Variants in GBX2 observed in about 807,000 individuals in gnomAD.
The protein encoded by GBX2 is homeobox protein GBX-2.
A neutral mutation model predicts 22.4 loss-of-function variants in GBX2; 5 were observed. The ratio of observed to expected loss-of-function variants is 0.22; its 90% CI spans 0.12 to 0.47. The LOEUF is 0.47. GBX2 is among the 20% of genes least tolerant of loss of function. GBX2 has a pLI of 0.99. For missense variants in GBX2, 470 were observed against 495.4 expected (o/e 0.95, Z 0.49); for synonymous variants, 220 against 230.5 (o/e 0.95, Z 0.41).
chr2:236,163,977 G>C (rs1162518204), downstream of GBX2, among the ~76,000 whole-genome samples: 5 of 152,102 alleles, frequency 3.3e-5, no homozygotes, highest in Admixed American at 1.3e-4. Flanking sequence ...CGGAGGACTG[G>C]CCCTTCTATT....
chr2:236,166,576 T>A lies in GBX2; in HGVS notation c.524-139A>T. On this transcript the variant is annotated intron_variant, in intron 1 of 1. Coordinates refer to ENST00000306318, the MANE Select transcript of GBX2 (RefSeq NM_001485.4). The surrounding 1 kb of genome is among the most constrained non-coding windows in gnomAD (Gnocchi z 6.6). Reference sequence around the variant, plus strand: ...GTCTTTCTATGACATTAACACATTGTGATTTCCTGGCCTTTGAGGGGTAGA... The same window carrying A: ...GTCTTTCTATGACATTAACACATTGAGATTTCCTGGCCTTTGAGGGGTAGA... The A allele has an allele frequency of 1.3e-6, 1 of 773,396 alleles. No individual in the cohort carries two copies. Among genetic ancestry groups the A allele is most frequent in the Non-Finnish European group, 2.1e-6 (1 of 480,556 alleles). 47.9% of individuals were successfully genotyped at this position (773,396 alleles called of 1,614,324 possible). A position where few individuals can be genotyped will look rare whatever the true frequency, so the allele number is the denominator to read the frequency against.
Position 236,165,827 on chromosome 2 carries a change from G to A in GBX2, c.*87C>T. 9.3e-7 allele frequency: 1 copy of A among 1,072,482 alleles called. No homozygotes were observed. Among genetic ancestry groups the A allele is most frequent in the Non-Finnish European group, 1.4e-6 (1 of 730,038 alleles). The allele number at this position is 1,072,482 out of a possible 1,614,324, so 66.4% of individuals were successfully genotyped here. On this transcript the variant is annotated 3_prime_UTR_variant, in exon 2 of 2. Coordinates refer to ENST00000306318, the MANE Select transcript of GBX2 (RefSeq NM_001485.4). ...GCCACAGCTGGGCTGTGACTTTGTT[G>A]CTTCAAACACAGTGGAGTCCACCAT...
In GBX2 at chr2:236,167,759, C is replaced by G; in HGVS notation, c.213G>C (p.Gln71His). Residue 71 changes from glutamine to histidine, a missense_variant, in exon 1 of 2, where the codon CAG becomes CAC. Gln to His is a conservative substitution (Grantham distance 24). Coordinates refer to ENST00000306318, the MANE Select transcript of GBX2 (RefSeq NM_001485.4). ...GAGGGTGTGCGGGCGGCAGCGCTGGCTGCAGCGCGGCCTGGGGCAGCGCGG... is the reference window on the plus strand; with the variant it reads ...GAGGGTGTGCGGGCGGCAGCGCTGGGTGCAGCGCGGCCTGGGGCAGCGCGG... ...PPPALPQAAL[Q>H]PALPPAHPHH... is the part of the protein sequence containing the mutation. The G allele has an allele frequency of 2.1e-6, 3 of 1,454,932 alleles. No homozygotes were observed. Among genetic ancestry groups the G allele is most frequent in the Non-Finnish European group, 2.7e-6 (3 of 1,108,772 alleles). 90.1% of individuals were successfully genotyped at this position (1,454,932 alleles called of 1,614,324 possible). A position where few individuals can be genotyped will look rare whatever the true frequency, so the allele number is the denominator to read the frequency against.
downstream of GBX2, among the ~76,000 whole-genome samples, chr2:236,161,427 C>T (rs567327449): frequency 1.3e-5 from 2 of 152,240 alleles, no homozygotes; most frequent in Non-Finnish European, 2.9e-5. Context: ...TGCTTTATTA[C>T]TCTGCCGGTG....
chr2:236,162,633 G>A (rs1481744831), downstream of GBX2, among the ~76,000 whole-genome samples: 1 of 152,196 alleles, frequency 6.6e-6, no homozygotes, highest in East Asian at 1.9e-4. Flanking sequence ...CTGTTCTTGT[G>A]GCCCCCCTCC....
At position 236,167,783 on chromosome 2, in the gene GBX2, G is replaced by A; in HGVS notation, c.189C>T (p.Pro63=). The change falls in exon 1 of 2, where the codon CCC becomes CCT. Residue 63 remains proline (P), a synonymous_variant. Coordinates refer to ENST00000306318, the MANE Select transcript of GBX2 (RefSeq NM_001485.4). ...VVLPPPPPPP[P]ALPQAALQPA... Reference sequence around the variant, plus strand: ...GCTGCAGCGCGGCCTGGGGCAGCGCGGGCGGCGGCGGCGGCGGCGGCGGCA... The same window carrying A: ...GCTGCAGCGCGGCCTGGGGCAGCGCAGGCGGCGGCGGCGGCGGCGGCGGCA... 2 of 1,407,026 alleles carry A rather than the reference G, an allele frequency of 1.4e-6. No homozygotes were observed. Among genetic ancestry groups the A allele is most frequent in the Non-Finnish European group, 1.9e-6 (2 of 1,078,936 alleles). The allele number at this position is 1,407,026 out of a possible 1,614,324, so 87.2% of individuals were successfully genotyped here.
intron 1 of GBX2, chr2:236,167,019 C>T: frequency 1.1e-6 from 1 of 898,818 alleles, no homozygotes; most frequent in Non-Finnish European, 1.8e-6. Context: ...CCCAGCAGTC[C>T]GTTTCTCCCA....
In GBX2 at chr2:236,166,726, G is replaced by A. The variant is rs1352859759; in HGVS notation, c.524-289C>T. The stretch of plus-strand genomic sequence containing the variant: ...CCCGCACCCTCCCAGCCTCGGCAGC[G>A]TCAGGAGAAGTAGCAGGAGGCGCGA... On this transcript the variant is annotated intron_variant, in intron 1 of 1. Coordinates refer to ENST00000306318, the MANE Select transcript of GBX2 (RefSeq NM_001485.4). This position sits in a 1 kb window ranked among gnomAD's most constrained non-coding sequence, Gnocchi z 6.6. Among the ~76,000 whole-genome samples the A allele has an allele frequency of 6.6e-6, 1 of 151,586 alleles. No homozygotes were observed. The highest frequency in any genetic ancestry group is 1.5e-5 in the Non-Finnish European group (1 of 68,006).
chr2:236,164,274 C>T (rs1226436683), downstream of GBX2, among the ~76,000 whole-genome samples: 1 of 152,214 alleles, frequency 6.6e-6, no homozygotes, highest in African/African-American at 2.4e-5. Flanking sequence ...CCGGCCTCCC[C>T]TCCTTCCCCC....
At chr2:236,167,248 C>T (rs1162791806) in intron 1 of GBX2, 5 of 1,466,098 alleles carry the variant, frequency 3.4e-6, no homozygotes, top group Non-Finnish European at 3.7e-6. Context: ...AACGCCCCCC[C>T]TCCCGAGACC....
In GBX2 at chr2:236,167,550, G is replaced by T. The variant is rs149869981; in HGVS notation, c.422C>A (p.Ala141Glu). The T allele has an allele frequency of 3.8e-6, 6 of 1,598,852 alleles. No homozygotes were observed. The highest frequency in any genetic ancestry group is 5.1e-6 in the Non-Finnish European group (6 of 1,175,360). ...CTCCGCGTCAGCCTGCAGCGCCTCCGCCTTGTCGAAGTTACCGCCGCCGGG... is the reference window on the plus strand; with the variant it reads ...CTCCGCGTCAGCCTGCAGCGCCTCCTCCTTGTCGAAGTTACCGCCGCCGGG... ...PLPGGGNFDK[A>E]EALQADAEDG... The change falls in exon 1 of 2, where the codon GCG (alanine) becomes GAG (glutamate). Residue 141 changes from alanine to glutamate, a missense_variant. Physicochemically the swap from Ala to Glu is moderately radical, Grantham distance 107. Around this residue, in one of 4 missense-constraint regions of GBX2, gnomAD observed 377 missense variants for 358.6 expected, o/e 1.05. Coordinates refer to ENST00000306318, the MANE Select transcript of GBX2 (RefSeq NM_001485.4).
chr2:236,167,343 A>C, intron 1 of GBX2, 106 bp downstream of exon 1: 5 of 1,374,980 alleles, frequency 3.6e-6, no homozygotes, highest in Non-Finnish European at 4.8e-6. Context: ...GCGGGGGTCG[A>C]GCGGGGGCGC....
At position 236,168,300 on chromosome 2, in the gene GBX2, C is replaced by CGTCTGTCT; in HGVS notation, c.-330_-329insAGACAGAC. On this transcript the variant is annotated 5_prime_UTR_variant, in exon 1 of 2. Transcript: ENST00000306318. Reference sequence around the variant, plus strand: ...CCCGGTAAGCTGCCGTCCGTCCGTCCGTCCCGCCGTCCGTCGCCTCCCGCG... The same window carrying CGTCTGTCT: ...CCCGGTAAGCTGCCGTCCGTCCGTCCGTCTGTCTGTCCCGCCGTCCGTCGCCTCCCGCG... 2 of 173,670 alleles carry CGTCTGTCT rather than the reference C, an allele frequency of 1.2e-5. No homozygotes were observed. Among genetic ancestry groups the CGTCTGTCT allele is most frequent in the Non-Finnish European group, 2.4e-5 (2 of 82,488 alleles). The allele number at this position is 173,670 out of a possible 1,614,324, so 10.8% of individuals were successfully genotyped here. A position where few individuals can be genotyped will look rare whatever the true frequency, so the allele number is the denominator to read the frequency against.
chr2:236,167,069 G>A, intron 1 of GBX2: 1 of 1,374,098 alleles, frequency 7.3e-7, no homozygotes, highest in Non-Finnish European at 1.0e-6. Flanking sequence ...AAAAAGTCTG[G>A]GCGCCCCTGG....
At position 236,165,404 on chromosome 2, in the gene GBX2, A is replaced by AAAAGC. The variant is rs138087593; in HGVS notation, c.*505_*509dup. 6,640 of 155,110 alleles carry AAAAGC rather than the reference A, an allele frequency of 0.043. 489 individuals carry two copies. Among genetic ancestry groups the AAAAGC allele is most frequent in the African/African-American group, 0.15 (6,230 of 41,502 alleles). The allele number at this position is 155,110 out of a possible 1,614,324, so 9.6% of individuals were successfully genotyped here. ...ACCCCAGGGGAAACCAAAGCCAGGC[A>AAAAGC]AAAGCAAAGCAAAGCAAAGCGAATT... On this transcript the variant is annotated 3_prime_UTR_variant, in exon 2 of 2. Transcript: ENST00000306318.
In GBX2 at chr2:236,168,241, G is replaced by A; in HGVS notation, c.-270C>T. 1 of 224,882 alleles carries A rather than the reference G, an allele frequency of 4.4e-6. No individual in the cohort carries two copies. Among genetic ancestry groups the A allele is most frequent in the Non-Finnish European group, 8.6e-6 (1 of 116,246 alleles). 13.9% of individuals were successfully genotyped at this position (224,882 alleles called of 1,614,324 possible). On this transcript the variant is annotated 5_prime_UTR_variant, in exon 1 of 2. Transcript: ENST00000306318. ...AGCCCCCGTCCGCCGCTTGCCCGTC[G>A]GAGCCCGCGCGCTTCGCGGGTTTGG...
At position 236,166,187 on chromosome 2, in the gene GBX2, C is replaced by G; in HGVS notation, c.774G>C (p.Gln258His). ...RRRRTAFTSE[Q>H]LLELEKEFHC... is the part of the protein sequence containing the mutation. ...GGAACTCCTTCTCTAGCTCCAGCAG[C>G]TGCTCGCTGGTGAAGGCAGTCCGCC... Residue 258 changes from glutamine (Q) to histidine (H), a missense_variant, in exon 2 of 2, where the codon CAG becomes CAC. Around this residue, in one of 4 missense-constraint regions of GBX2, gnomAD observed 40 missense variants for 55.1 expected, o/e 0.73. Transcript: ENST00000306318. The surrounding 1 kb of genome is among the most constrained non-coding windows in gnomAD (Gnocchi z 6.6). 6.2e-7 allele frequency: 1 copy of G among 1,614,006 alleles called. No individual in the cohort carries two copies.
downstream of GBX2, among the ~76,000 whole-genome samples, chr2:236,164,268 C>G (rs2060225839): frequency 6.6e-6 from 1 of 152,198 alleles, no homozygotes; most frequent in South Asian, 2.1e-4. Flanking sequence ...GGCTCACCGG[C>G]CTCCCCTCCT....
rs760878054 is a variant in GBX2 at position 236,167,968 on chromosome 2, T to A, written c.4A>T (p.Ser2Cys). 5 of 1,554,506 alleles carry A rather than the reference T, an allele frequency of 3.2e-6. No individual in the cohort carries two copies. The Admixed American group carries it at 9.4e-5, about 29-fold the overall frequency. Reference protein sequence around the residue: MSAAFPPSLMMM... With the variant: MCAAFPPSLMMM... ...ATCAGCGACGGCGGGAACGCTGCGCTCATAGACGCGCTCGGTAGAGGCCAG... is the reference window on the plus strand; with the variant it reads ...ATCAGCGACGGCGGGAACGCTGCGCACATAGACGCGCTCGGTAGAGGCCAG... Residue 2 changes from serine (S) to cysteine (C), a missense_variant, in exon 1 of 2, where the codon AGC becomes TGC. This residue lies in a region of GBX2 where 377 missense variants were observed against 358.6 expected (regional missense o/e 1.05). Transcript: ENST00000306318.
Sources: gnomAD v4.1 joint callset for allele counts (sites outside exome capture counted in the v4.1 genomes callset) on GRCh38, gnomAD v4.1.1 for gene constraint, gnomAD v4.1.1 regional missense constraint, Gnocchi (gnomAD v3.1) non-coding constraint, MANE v1.5 for transcripts, NCBI Gene and HGNC (gene_info 2026-07-23, HGNC 2026-07-21) for gene names.